The following INTS7 variants were observed in gnomAD, a reference collection of about 807,000 sequenced individuals.
INTS7 encodes the protein chromosome 1 open reading frame 73.
INTS7 carries 46 observed loss-of-function variants against 109.2 expected under a neutral mutation model. The ratio of observed to expected loss-of-function variants is 0.42; its 90% CI spans 0.33 to 0.54. The LOEUF is 0.54. Ranked by LOEUF, INTS7 falls within the 20% of genes least tolerant of loss-of-function variation. The probability of loss-of-function intolerance (pLI) is 0.07; values close to 1 mark genes in which losing one functional copy is unlikely to be tolerated. For synonymous variants in INTS7, 412 were observed against 402.9 expected, an observed-to-expected ratio of 1.02 and a Z score of -0.27; for missense variants, 929 against 1,132.4, an observed-to-expected ratio of 0.82 and a Z score of 2.58.
At chr1:211,982,595 G>A in intron 9 of INTS7, 81 bp downstream of exon 9, 1 of 1,108,658 alleles carries the variant, frequency 9.0e-7, no homozygotes, top group Non-Finnish European at 1.3e-6. Flanking sequence ...TAAAAATAAG[G>A]GATTAAAAAA....
chr1:212,012,025 C>A (rs1230260513), intron 4 of INTS7, among the ~76,000 whole-genome samples: 1 of 152,204 alleles, frequency 6.6e-6, no homozygotes, highest in Non-Finnish European at 1.5e-5. Flanking sequence ...ATTATCCCCT[C>A]TCCTTTGCCA....
At chr1:211,953,457 T>A (rs905294920) in intron 16 of INTS7, among the ~76,000 whole-genome samples, 2 of 151,838 alleles carry the variant, frequency 1.3e-5, no homozygotes, top group African/African-American at 2.4e-5. Context: ...TGTGCAGGTT[T>A]GTTACATATG....
intron 13 of INTS7, among the ~76,000 whole-genome samples, chr1:211,974,274 AAAATATATATATATATATAT>A (rs1664314741): frequency 1.3e-5 from 1 of 79,598 alleles, no homozygotes; most frequent in Admixed American, 1.4e-4. Context: ...CCAGAAAAAA[AAAATATATATATATATATAT>A]ATATATATAT....
chr1:211,974,270 AAAAAAAATATAT>A (rs1266933547), intron 13 of INTS7, among the ~76,000 whole-genome samples: 1,112 of 101,886 alleles, frequency 0.011, 28 homozygotes, highest in African/African-American at 0.037. Flanking sequence ...CTTCCCAGAA[AAAAAAAATATAT>A]ATATATATAT....
intron 7 of INTS7, among the ~76,000 whole-genome samples, chr1:212,000,901 C>G (rs1186686409): frequency 6.6e-6 from 1 of 152,164 alleles, no homozygotes; most frequent in South Asian, 2.1e-4. Context: ...TGGATCCCTT[C>G]CAGTCTCACC....
At chr1:211,972,688 T>TG (rs1664233440) in intron 13 of INTS7, among the ~76,000 whole-genome samples, 1 of 152,152 alleles carries the variant, frequency 6.6e-6, no homozygotes, top group South Asian at 2.1e-4. Context: ...GACTTTATAT[T>TG]AGTAGAAAGG....
In INTS7 at chr1:211,975,304, G is replaced by A; in HGVS notation, c.1677C>T (p.Tyr559=). 1 of 1,614,092 alleles carries A rather than the reference G, an allele frequency of 6.2e-7. No homozygotes were observed. Among genetic ancestry groups the A allele is most frequent in the Middle Eastern group, 1.6e-4 (1 of 6,062 alleles). ...LLTQVASEHF[Y]FWLNSLKEFS... ...ACTCCTTCAAACTATTTAGCCAGAAGTAGAAATGTTCTGAGGCAACCTGAG... is the reference window on the plus strand; with the variant it reads ...ACTCCTTCAAACTATTTAGCCAGAAATAGAAATGTTCTGAGGCAACCTGAG... The change falls in exon 13 of 20, where the codon TAC becomes TAT. Residue 559 remains tyrosine (Y), a synonymous_variant. Coordinates refer to ENST00000366994, the MANE Select transcript of INTS7 (RefSeq NM_015434.4).
chr1:211,975,321 C>A lies in INTS7; in HGVS notation c.1660G>T (p.Ala554Ser). 1 of 1,614,090 alleles carries A rather than the reference C, an allele frequency of 6.2e-7. No homozygotes were observed. Among genetic ancestry groups the A allele is most frequent in the Non-Finnish European group, 8.5e-7 (1 of 1,179,972 alleles). Residue 554 changes from alanine to serine, a missense_variant, in exon 13 of 20, where the codon GCC becomes TCC. Coordinates refer to ENST00000366994, the MANE Select transcript of INTS7 (RefSeq NM_015434.4). Reference sequence around the variant, plus strand: ...AGCCAGAAGTAGAAATGTTCTGAGGCAACCTGAGTCAGCAAACTCTGATAA... The same window carrying A: ...AGCCAGAAGTAGAAATGTTCTGAGGAAACCTGAGTCAGCAAACTCTGATAA... ...ELYQSLLTQV[A>S]SEHFYFWLNS...
chr1:212,023,877 C>G (rs867926601), intron 1 of INTS7, among the ~76,000 whole-genome samples: 3,072 of 152,170 alleles, frequency 0.02, 32 homozygotes, highest in African/African-American at 0.026. Flanking sequence ...TTTAATCCAC[C>G]TTAATTTTTG....
In INTS7 at chr1:211,978,482, G is replaced by A; in HGVS notation, c.1260C>T (p.Ala420=). ...ACTGGCTAAGATGGGGCCTGCCCTT[G>A]GCCAACTTCACCATACAGTTTAGAG... ...KIALNCMVKL[A]KGRPHLSQSV... is the part of the protein sequence containing the mutation. Residue 420 remains alanine, a synonymous_variant, in exon 11 of 20, where the codon GCC becomes GCT. Transcript: ENST00000366994. 1 of 1,614,106 alleles carries A rather than the reference G, an allele frequency of 6.2e-7. No homozygotes were observed.
intron 19 of INTS7, among the ~76,000 whole-genome samples, chr1:211,943,720 A>T (rs925002504): frequency 3.3e-5 from 5 of 152,166 alleles, no homozygotes; most frequent in Admixed American, 3.3e-4. Flanking sequence ...TTAGAACCAG[A>T]CCTTCCCTTG....
Position 211,976,737 on chromosome 1 carries a change from GA to G in INTS7, c.1471-19del. The G allele has an allele frequency of 6.2e-7, 1 of 1,612,858 alleles. No homozygotes were observed. Among genetic ancestry groups the G allele is most frequent in the Non-Finnish European group, 8.5e-7 (1 of 1,179,052 alleles). ...AAACTCACCTAACATTGGGCAAGAA[GA>G]AAACCAAGAAAATCATTTAATTTTA... On this transcript the variant is annotated intron_variant, in intron 11 of 19. Transcript: ENST00000366994.
intron 1 of INTS7, among the ~76,000 whole-genome samples, chr1:212,031,489 A>C (rs949107343): frequency 2.0e-5 from 3 of 152,166 alleles, no homozygotes; most frequent in Non-Finnish European, 2.9e-5. Flanking sequence ...CAGAAGCTCA[A>C]GCAGCATGGC....
rs149689447 is a variant in INTS7, at chr1:211,999,007, A to T, written c.879+7632T>A. Among the ~76,000 whole-genome samples the T allele has an allele frequency of 7.6e-4, 116 of 152,320 alleles. 1 individual carries two copies. The East Asian group carries it at 0.019, about 25-fold the overall frequency. On this transcript the variant is annotated intron_variant, in intron 7 of 19. Coordinates refer to ENST00000366994, the MANE Select transcript of INTS7 (RefSeq NM_015434.4). ...ACACAAAGTGCTGGCAAGGATACAG[A>T]ACTAAAACTCTTATATATGGCTGGT...
chr1:211,966,481 A>G lies in INTS7; in HGVS notation c.2132T>C (p.Leu711Ser). The G allele has an allele frequency of 6.2e-7, 1 of 1,608,718 alleles. No homozygotes were observed. Among genetic ancestry groups the G allele is most frequent in the Non-Finnish European group, 8.5e-7 (1 of 1,175,730 alleles). ...GGCTTCTATTGCATGAGATATCAGT[A>G]AACAGCTCTGCTGCTGTCTGGATTG... ...RNVELQQQSCLLISHAIEALI... is the reference protein window; with the variant it reads ...RNVELQQQSCSLISHAIEALI... Residue 711 changes from leucine (L) to serine (S), a missense_variant, in exon 16 of 20, where the codon TTA becomes TCA. By Grantham distance (145) the Leu-to-Ser change is moderately radical. Around this residue, in one of 2 missense-constraint regions of INTS7, gnomAD observed 787 missense variants for 901.1 expected, o/e 0.87. Transcript: ENST00000366994.
intron 7 of INTS7, among the ~76,000 whole-genome samples, chr1:212,002,100 C>A (rs1269814099): frequency 6.6e-6 from 1 of 152,206 alleles, no homozygotes; most frequent in East Asian, 1.9e-4. Context: ...GAGTCTTGCC[C>A]ATTCCAAGTA....
intron 1 of INTS7, among the ~76,000 whole-genome samples, chr1:212,034,938 T>C (rs995459490): frequency 1.3e-5 from 2 of 152,184 alleles, no homozygotes; most frequent in African/African-American, 4.8e-5. Context: ...ATCAAATGAA[T>C]CGCTGTCAAG....
At chr1:211,964,404 C>T (rs890707628) in intron 16 of INTS7, among the ~76,000 whole-genome samples, 2 of 152,072 alleles carry the variant, frequency 1.3e-5, no homozygotes, top group African/African-American at 2.4e-5. Flanking sequence ...CCCAAAGCAA[C>T]GTATAGATTC....
chr1:212,002,812 C>T (rs2102461972), intron 7 of INTS7, among the ~76,000 whole-genome samples: 1 of 152,240 alleles, frequency 6.6e-6, no homozygotes, highest in East Asian at 1.9e-4. Flanking sequence ...AATGCAAATC[C>T]CTACAGGAAT....
Sources: allele counts gnomAD v4.1 joint callset (sites outside exome capture counted in the v4.1 genomes callset), GRCh38; gene constraint gnomAD v4.1.1; regional missense constraint gnomAD v4.1.1; transcripts MANE v1.5; gene names NCBI Gene and HGNC (gene_info 2026-07-23, HGNC 2026-07-21).